TTC28: variants seen among roughly 807,000 people sequenced by gnomAD.
TTC28 encodes the protein tetratricopeptide repeat protein 28.
A neutral mutation model predicts 198.0 loss-of-function variants in TTC28; 61 were observed. That is an observed-to-expected ratio of 0.31 (90% CI 0.25 to 0.38). The LOEUF is 0.38. Ranked by LOEUF, TTC28 falls within the 10% of genes least tolerant of loss-of-function variation. TTC28 has a pLI of 1.00. For synonymous variants in TTC28, 1,171 were observed against 1,297.8 expected (o/e 0.90, Z 2.10); for missense variants, 2,678 against 3,164.0 (o/e 0.85, Z 3.69).
At chr22:28,586,889 T>A (rs1273160248) in intron 2 of TTC28, among the ~76,000 whole-genome samples, 1 of 152,200 alleles carries the variant, frequency 6.6e-6, no homozygotes, top group African/African-American at 2.4e-5. Context: ...GTACCTTTCA[T>A]TGGACTTATT....
intron 2 of TTC28, among the ~76,000 whole-genome samples, chr22:28,548,458 T>A (rs77217997): frequency 4.6e-5 from 7 of 152,182 alleles, no homozygotes; most frequent in Non-Finnish European, 7.3e-5. Flanking sequence ...ACATTTTTTT[T>A]AATCTAACAT....
chr22:28,170,080 C>A (rs1443714561), intron 5 of TTC28, among the ~76,000 whole-genome samples: 2 of 152,086 alleles, frequency 1.3e-5, no homozygotes, highest in Admixed American at 6.6e-5. Flanking sequence ...CTCCTAGAAA[C>A]AAGTTGTATA....
At chr22:28,198,334 A>C (rs1484230116) in intron 5 of TTC28, among the ~76,000 whole-genome samples, 1 of 152,106 alleles carries the variant, frequency 6.6e-6, no homozygotes, top group African/African-American at 2.4e-5. Flanking sequence ...TGTGCCCCAG[A>C]GGAAAAGTAT....
chr22:28,342,043 T>G (rs2045840166), intron 2 of TTC28, among the ~76,000 whole-genome samples: 1 of 152,152 alleles, frequency 6.6e-6, no homozygotes, highest in African/African-American at 2.4e-5. Context: ...TTGCTATTTA[T>G]TTGTACTCTG....
intron 2 of TTC28, among the ~76,000 whole-genome samples, chr22:28,512,637 G>A (rs2048705736): frequency 6.6e-6 from 1 of 152,176 alleles, no homozygotes; most frequent in African/African-American, 2.4e-5. Flanking sequence ...GACACAGATG[G>A]AGTTGGAAAG....
intron 1 of TTC28, among the ~76,000 whole-genome samples, chr22:28,662,917 T>C (rs181039784): frequency 6.6e-6 from 1 of 152,196 alleles, no homozygotes; most frequent in East Asian, 1.9e-4. Context: ...CAGAAGCAAC[T>C]GTGCAGTATC....
At chr22:28,410,112 G>A (rs1488157603) in intron 2 of TTC28, among the ~76,000 whole-genome samples, 1 of 152,000 alleles carries the variant, frequency 6.6e-6, no homozygotes, top group African/African-American at 2.4e-5. Flanking sequence ...TGTAGAGATG[G>A]GGTTTCACCA....
intron 12 of TTC28, among the ~76,000 whole-genome samples, chr22:28,077,209 GC>G (rs1270867200): frequency 4.6e-5 from 7 of 152,218 alleles, no homozygotes; most frequent in African/African-American, 1.7e-4. Flanking sequence ...TGTTTACAGT[GC>G]AGCTTTGAAG....
intron 2 of TTC28, among the ~76,000 whole-genome samples, chr22:28,553,357 C>A (rs1386416798): frequency 6.6e-6 from 1 of 151,734 alleles, no homozygotes; most frequent in Non-Finnish European, 1.5e-5. Context: ...CTCTTCCCAG[C>A]CGACATCCCA....
chr22:28,532,639 A>G (rs2049165904), intron 2 of TTC28, among the ~76,000 whole-genome samples: 1 of 152,246 alleles, frequency 6.6e-6, no homozygotes, highest in South Asian at 2.1e-4. Context: ...CGTGATGAAC[A>G]TCGATGCAAA....
chr22:28,460,658 GATAGATA>G (rs1433774161), intron 2 of TTC28, among the ~76,000 whole-genome samples: 1 of 140,892 alleles, frequency 7.1e-6, no homozygotes, highest in African/African-American at 2.5e-5. Context: ...TAGATAGATA[GATAGATA>G]GACAGACAGA....
chr22:28,482,967 TCCA>T (rs2048272708), intron 2 of TTC28, among the ~76,000 whole-genome samples: 2 of 152,232 alleles, frequency 1.3e-5, no homozygotes, highest in Non-Finnish European at 2.9e-5. Context: ...TGTTTATTCA[TCCA>T]TTGATGGATA....
intron 1 of TTC28, among the ~76,000 whole-genome samples, chr22:28,632,526 T>G (rs1033369077): frequency 6.6e-6 from 1 of 151,952 alleles, no homozygotes; most frequent in Non-Finnish European, 1.5e-5. Context: ...TGAAAGTAAA[T>G]GGACTATGTA....
intron 13 of TTC28, chr22:28,028,779 G>A (rs1409643260): frequency 6.1e-6 from 2 of 326,060 alleles, no homozygotes; most frequent in East Asian, 1.7e-4. Context: ...CCCACCAGTT[G>A]TTCAGTGCCT....
rs139144839 is a variant in TTC28 at position 28,624,265 on chromosome 22, C to G, written c.381+5287G>C. ...TGGTGGCAGGTGCCTGTAGCCCCAG[C>G]TACTCAGGAGGCTGAGGCAGGAGAA... On this transcript the variant is annotated intron_variant, in intron 2 of 22. Coordinates refer to ENST00000397906, the MANE Select transcript of TTC28 (RefSeq NM_001145418.2). 5.6e-3 allele frequency among the ~76,000 whole-genome samples: 849 copies of G among 152,096 alleles called. 30 individuals carry two copies. The East Asian group carries it at 0.082, about 15-fold the overall frequency.
At chr22:28,562,597 C>A (rs1051847102) in intron 2 of TTC28, among the ~76,000 whole-genome samples, 1 of 151,908 alleles carries the variant, frequency 6.6e-6, no homozygotes, top group African/African-American at 2.4e-5. Context: ...ATTATCTAAG[C>A]ACCTTGTACT....
At chr22:28,516,989 T>C (rs1370851131) in intron 2 of TTC28, among the ~76,000 whole-genome samples, 2 of 152,212 alleles carry the variant, frequency 1.3e-5, no homozygotes, top group African/African-American at 2.4e-5. Flanking sequence ...TAATACTCAT[T>C]ATAACTCCTG....
chr22:28,644,053 C>T (rs2051413264), intron 1 of TTC28, among the ~76,000 whole-genome samples: 1 of 152,158 alleles, frequency 6.6e-6, no homozygotes, highest in Admixed American at 6.6e-5. Context: ...CTCTGGAGTC[C>T]ATGCTCTTAA....
At chr22:28,135,977 G>T (rs1414755416) in intron 6 of TTC28, among the ~76,000 whole-genome samples, 1 of 152,172 alleles carries the variant, frequency 6.6e-6, no homozygotes, top group African/African-American at 2.4e-5. Context: ...TGAAGGGTCA[G>T]TTCTGGGGTT....
Sources: allele counts gnomAD v4.1 joint callset (sites outside exome capture counted in the v4.1 genomes callset), GRCh38; gene constraint gnomAD v4.1.1; transcripts MANE v1.5; gene names NCBI Gene and HGNC (gene_info 2026-07-23, HGNC 2026-07-21).